The following IQCK variants were observed in gnomAD, a reference collection of about 807,000 sequenced individuals.
The protein encoded by IQCK is IQ domain-containing protein K.
In IQCK, 29 loss-of-function variants were observed where a neutral mutation model predicts 28.1. That is an observed-to-expected ratio of 1.03 (90% CI 0.77 to 1.41). The LOEUF is 1.41. Ranked by LOEUF, IQCK falls within the 40% of genes most tolerant of loss-of-function variation. IQCK has a pLI of 0.00. For missense variants in IQCK, 359 were observed against 314.7 expected, an observed-to-expected ratio of 1.14 and a Z score of -1.07; for synonymous variants, 113 against 115.1, an observed-to-expected ratio of 0.98 and a Z score of 0.12.
At chr16:19,741,330 A>G (rs2054831866) in intron 4 of IQCK, among the ~76,000 whole-genome samples, 1 of 152,138 alleles carries the variant, frequency 6.6e-6, no homozygotes, top group South Asian at 2.1e-4. Context: ...CTTCTAATTT[A>G]TACCCTTTCA....
intron 7 of IQCK, among the ~76,000 whole-genome samples, chr16:19,814,786 C>CTTT (rs35073247): frequency 0.021 from 2,594 of 122,366 alleles, 140 homozygotes; most frequent in African/African-American, 0.077. Context: ...TAAAGAGGGT[C>CTTT]TTTTTTTTTT....
At chr16:19,762,418 C>G (rs1441933318) in intron 4 of IQCK, among the ~76,000 whole-genome samples, 1 of 152,136 alleles carries the variant, frequency 6.6e-6, no homozygotes, top group African/African-American at 2.4e-5. Flanking sequence ...ATTTAAATAA[C>G]AAAATCCTGC....
chr16:19,721,777 C>T (rs1977503012), intron 1 of IQCK, among the ~76,000 whole-genome samples: 1 of 151,998 alleles, frequency 6.6e-6, no homozygotes, highest in South Asian at 2.1e-4. Flanking sequence ...GGGGTTTTGC[C>T]ATGTTGGCCA....
chr16:19,730,032 T>C, intron 1 of IQCK, among the ~76,000 whole-genome samples: 1 of 151,782 alleles, frequency 6.6e-6, no homozygotes, highest in East Asian at 1.9e-4. Flanking sequence ...CTTGGCTCAC[T>C]GCAGCCTCTG....
intron 2 of IQCK, among the ~76,000 whole-genome samples, chr16:19,732,200 AGAC>A (rs1401082342): frequency 1.3e-5 from 2 of 152,232 alleles, no homozygotes; most frequent in Non-Finnish European, 2.9e-5. Flanking sequence ...AAACCCTTGC[AGAC>A]ATATCCAGAC....
intron 6 of IQCK, among the ~76,000 whole-genome samples, chr16:19,780,313 A>G (rs1053976171): frequency 6.6e-6 from 1 of 151,982 alleles, no homozygotes; most frequent in African/African-American, 2.4e-5. Flanking sequence ...AAGTGCTGGG[A>G]TTACAAGCAT....
chr16:19,766,390 G>T (rs1222038517), intron 6 of IQCK, among the ~76,000 whole-genome samples: 5 of 152,236 alleles, frequency 3.3e-5, no homozygotes, highest in Non-Finnish European at 5.9e-5. Context: ...GCCCTTCCTG[G>T]TGGGCCTGGA....
At chr16:19,761,636 G>A in intron 4 of IQCK, 1 of 287,850 alleles carries the variant, frequency 3.5e-6, no homozygotes, top group Non-Finnish European at 6.9e-6. Flanking sequence ...GTATTCTTTG[G>A]GTTACAAGAA....
chr16:19,806,436 A>G (rs1193537163), intron 7 of IQCK, among the ~76,000 whole-genome samples: 1 of 152,126 alleles, frequency 6.6e-6, no homozygotes, highest in Non-Finnish European at 1.5e-5. Context: ...CTGTAATTTC[A>G]GCACTTTGGG....
At chr16:19,807,892 A>G (rs1299964050) in intron 7 of IQCK, among the ~76,000 whole-genome samples, 2 of 152,206 alleles carry the variant, frequency 1.3e-5, no homozygotes, top group Non-Finnish European at 2.9e-5. Flanking sequence ...GGTCTGATCC[A>G]TGCATTTTCT....
chr16:19,782,057 G>T (rs2055493009), intron 6 of IQCK, among the ~76,000 whole-genome samples: 1 of 152,106 alleles, frequency 6.6e-6, no homozygotes, highest in Non-Finnish European at 1.5e-5. Flanking sequence ...GATGGAAGGC[G>T]AGGGCTGGGT....
chr16:19,755,959 G>T (rs2055046085), intron 4 of IQCK, among the ~76,000 whole-genome samples: 1 of 152,166 alleles, frequency 6.6e-6, no homozygotes, highest in Admixed American at 6.5e-5. Context: ...GAGGCTGGAG[G>T]ATCACTAGAG....
In IQCK at chr16:19,825,399, A is replaced by G. The variant is rs2056134760; in HGVS notation, c.691-1627A>G. ...GCCAGGCCTGGTGGTGCACACCTGT[A>G]TTCCCAGCTACTTGGGAGGCTGAGG... is the stretch of plus-strand genomic sequence containing the variant. On this transcript the variant is annotated intron_variant, in intron 7 of 7. Coordinates refer to ENST00000564186, the Ensembl canonical transcript of IQCK. The surrounding 1 kb of genome is among the most constrained non-coding windows in gnomAD (Gnocchi z 4.2). 6.6e-6 allele frequency among the ~76,000 whole-genome samples: 1 copy of G among 152,096 alleles called. No individual in the cohort carries two copies. The highest frequency in any genetic ancestry group is 1.5e-5 in the Non-Finnish European group (1 of 68,028).
At chr16:19,792,752 A>G (rs1190928687) in intron 7 of IQCK, among the ~76,000 whole-genome samples, 1 of 113,558 alleles carries the variant, frequency 8.8e-6, no homozygotes, top group Non-Finnish European at 1.6e-5. Context: ...TTGTATTTTT[A>G]GTAGAGACGG....
chr16:19,783,089 C>G (rs2055513064), intron 6 of IQCK, among the ~76,000 whole-genome samples: 1 of 151,624 alleles, frequency 6.6e-6, no homozygotes, highest in Admixed American at 6.6e-5. Flanking sequence ...ACCTCTGCCT[C>G]CTGGGTTCAA....
intron 6 of IQCK, among the ~76,000 whole-genome samples, chr16:19,783,009 G>A (rs1400026320): frequency 7.7e-6 from 1 of 130,554 alleles, no homozygotes; most frequent in Non-Finnish European, 1.5e-5. Flanking sequence ...GTGTGTGTGT[G>A]TGTGTGTGAG....
At chr16:19,732,977 C>T (rs1977888854) in intron 2 of IQCK, among the ~76,000 whole-genome samples, 1 of 152,146 alleles carries the variant, frequency 6.6e-6, no homozygotes. Flanking sequence ...GCCGGATTTC[C>T]ACCCAGCCTT....
chr16:19,736,192 A>T (rs1342247925), intron 4 of IQCK: 1 of 455,694 alleles, frequency 2.2e-6, no homozygotes, highest in South Asian at 1.6e-5. Context: ...CTTGGAACAC[A>T]GTAAGTGCTC....
At chr16:19,804,890 G>A (rs914679247) in intron 7 of IQCK, among the ~76,000 whole-genome samples, 2 of 152,210 alleles carry the variant, frequency 1.3e-5, no homozygotes, top group Admixed American at 6.5e-5. Context: ...ATATTTCATC[G>A]TAAAGTTCCA....
Sources: gnomAD v4.1 joint callset for allele counts (sites outside exome capture counted in the v4.1 genomes callset) on GRCh38, gnomAD v4.1.1 for gene constraint, Gnocchi (gnomAD v3.1) non-coding constraint, MANE v1.5 for transcripts, NCBI Gene and HGNC (gene_info 2026-07-23, HGNC 2026-07-21) for gene names.